CNTNAP5: variants seen among roughly 807,000 people sequenced by gnomAD.
CNTNAP5 encodes contactin-associated protein-like 5.
Under a neutral mutation model 150.2 loss-of-function variants are expected in CNTNAP5, and 72 were observed. The ratio of observed to expected loss-of-function variants is 0.48; its 90% confidence interval spans 0.40 to 0.58. The LOEUF is 0.58. Ranked by LOEUF, CNTNAP5 falls within the 20% of genes least tolerant of loss-of-function variation. CNTNAP5 has a pLI of 0.00. For synonymous variants in CNTNAP5, 672 were observed against 619.8 expected (o/e 1.08, Z -1.25); for missense variants, 1,636 against 1,626.2 (o/e 1.01, Z -0.10).
At chr2:124,684,694 T>G (rs1679152103) in intron 13 of CNTNAP5, among the ~76,000 whole-genome samples, 1 of 152,104 alleles carries the variant, frequency 6.6e-6, no homozygotes, top group South Asian at 2.1e-4. Context: ...GCGAGAAAAA[T>G]CTATGCAATA....
chr2:124,510,266 T>G (rs1209068534), intron 8 of CNTNAP5, among the ~76,000 whole-genome samples: 3 of 122,828 alleles, frequency 2.4e-5, no homozygotes, highest in Non-Finnish European at 4.7e-5. Context: ...TCTATATATC[T>G]ATATATCTAT....
intron 18 of CNTNAP5, among the ~76,000 whole-genome samples, chr2:124,795,750 C>T (rs149892025): frequency 9.2e-5 from 14 of 152,224 alleles, no homozygotes; most frequent in African/African-American, 3.4e-4. Flanking sequence ...CTCCTGACCT[C>T]GGGTGATCCA....
intron 1 of CNTNAP5, among the ~76,000 whole-genome samples, chr2:124,146,997 A>C (rs535086915): frequency 6.6e-6 from 1 of 152,196 alleles, no homozygotes; most frequent in Non-Finnish European, 1.5e-5. Flanking sequence ...GAAAATAAAC[A>C]ATAAACATAC....
At chr2:124,730,925 T>C (rs1680257905) in intron 13 of CNTNAP5, among the ~76,000 whole-genome samples, 1 of 152,150 alleles carries the variant, frequency 6.6e-6, no homozygotes, top group African/African-American at 2.4e-5. Context: ...CTATTTTTAT[T>C]ACTATCGTTA....
intron 13 of CNTNAP5, among the ~76,000 whole-genome samples, chr2:124,742,909 T>G (rs1680526850): frequency 6.6e-6 from 1 of 152,094 alleles, no homozygotes; most frequent in Non-Finnish European, 1.5e-5. Flanking sequence ...GTCCTTGCGT[T>G]GCATGGCTGC....
At chr2:124,752,582 A>C in intron 14 of CNTNAP5, among the ~76,000 whole-genome samples, 1 of 152,322 alleles carries the variant, frequency 6.6e-6, no homozygotes, top group South Asian at 2.1e-4. Flanking sequence ...CTGATTTCCT[A>C]GGGGTTTTTC....
chr2:124,317,548 A>G lies in CNTNAP5; in HGVS notation c.381+75155A>G, dbSNP rs916497877. On this transcript the variant is annotated intron_variant, in intron 3 of 23. Transcript: ENST00000682447. Reference sequence around the variant, plus strand: ...ACATTATCTTTCTCAAAGGGCATTTAGAACATCAAACCATGTATTCCAAAT... The same window carrying G: ...ACATTATCTTTCTCAAAGGGCATTTGGAACATCAAACCATGTATTCCAAAT... Among the ~76,000 whole-genome samples the G allele has an allele frequency of 4.6e-5, 7 of 152,190 alleles. No individual in the cohort carries two copies. The South Asian group carries it at 1.4e-3, about 31-fold the overall frequency.
intron 3 of CNTNAP5, among the ~76,000 whole-genome samples, chr2:124,363,688 T>A (rs964271748): frequency 2.0e-5 from 3 of 152,152 alleles, no homozygotes; most frequent in Non-Finnish European, 2.9e-5. Context: ...AAAGGATAGA[T>A]CTCATGTTAA....
chr2:124,896,754 G>T (rs1678315280), intron 21 of CNTNAP5, among the ~76,000 whole-genome samples: 1 of 151,318 alleles, frequency 6.6e-6, no homozygotes. Flanking sequence ...GGCCAGGCTG[G>T]TCTCGAACTC....
intron 4 of CNTNAP5, among the ~76,000 whole-genome samples, chr2:124,430,155 G>C (rs1307412180): frequency 6.6e-6 from 1 of 152,084 alleles, no homozygotes; most frequent in Non-Finnish European, 1.5e-5. Flanking sequence ...AAAAGGGCCA[G>C]GTGGGAACCG....
At chr2:124,062,402 A>G (rs1471902542) in intron 1 of CNTNAP5, among the ~76,000 whole-genome samples, 1 of 152,100 alleles carries the variant, frequency 6.6e-6, no homozygotes, top group Non-Finnish European at 1.5e-5. Context: ...CTACAATTGT[A>G]CTCAGTTGTT....
chr2:124,261,132 A>G (rs953302757), intron 3 of CNTNAP5, among the ~76,000 whole-genome samples: 4 of 152,200 alleles, frequency 2.6e-5, no homozygotes, highest in African/African-American at 4.8e-5. Context: ...AGCGATACAT[A>G]TCAATATCAA....
At chr2:124,693,716 G>A (rs924647262) in intron 13 of CNTNAP5, among the ~76,000 whole-genome samples, 1 of 151,764 alleles carries the variant, frequency 6.6e-6, no homozygotes, top group African/African-American at 2.4e-5. Context: ...AACATCGCAG[G>A]CATGGGCCAG....
Position 124,764,123 on chromosome 2 carries a change from G to A in CNTNAP5, c.2509G>A (p.Asp837Asn), listed in dbSNP as rs1681018142. The A allele has an allele frequency of 6.2e-7, 1 of 1,612,674 alleles. No individual in the cohort carries two copies. Among genetic ancestry groups the A allele is most frequent in the East Asian group, 2.2e-5 (1 of 44,840 alleles). ...TTTCCTAGAAAATCTTGGCATTAAA[G>A]ACTTCATTCGACTCGAAATAAGCTG... is the stretch of plus-strand genomic sequence containing the variant. Reference protein sequence around the residue: ...GVFLENLGIKDFIRLEISSPS... With the variant: ...GVFLENLGIKNFIRLEISSPS... Residue 837 changes from aspartate to asparagine, a missense_variant, in exon 16 of 24, where the codon GAC becomes AAC. Physicochemically the swap from Asp to Asn is conservative, Grantham distance 23. Coordinates refer to ENST00000682447, the MANE Select transcript of CNTNAP5 (RefSeq NM_001367498.1).
chr2:124,190,116 G>A (rs1685425507), intron 1 of CNTNAP5, among the ~76,000 whole-genome samples: 1 of 152,262 alleles, frequency 6.6e-6, no homozygotes, highest in Admixed American at 6.5e-5. Flanking sequence ...ACCTTCATAT[G>A]TTTTGCTAGA....
intron 1 of CNTNAP5, among the ~76,000 whole-genome samples, chr2:124,137,983 C>A (rs565324266): frequency 6.6e-6 from 1 of 152,034 alleles, no homozygotes; most frequent in African/African-American, 2.4e-5. Flanking sequence ...TGTGGGATTT[C>A]GTAGATTTCA....
chr2:124,328,510 G>A (rs934883705), intron 3 of CNTNAP5, among the ~76,000 whole-genome samples: 1 of 152,100 alleles, frequency 6.6e-6, no homozygotes, highest in Non-Finnish European at 1.5e-5. Flanking sequence ...CACACCCCAG[G>A]AGATGGATTA....
chr2:124,769,658 T>C (rs919537730), intron 16 of CNTNAP5, among the ~76,000 whole-genome samples: 1 of 152,216 alleles, frequency 6.6e-6, no homozygotes, highest in Admixed American at 6.5e-5. Flanking sequence ...TTCTCTCACA[T>C]TGTTTTCAGG....
chr2:124,695,074 A>G (rs1573552916), intron 13 of CNTNAP5, among the ~76,000 whole-genome samples: 2 of 152,004 alleles, frequency 1.3e-5, no homozygotes, highest in East Asian at 3.9e-4. Flanking sequence ...AATCTATATT[A>G]CTAGTATTTT....
Sources: allele counts gnomAD v4.1 joint callset (sites outside exome capture counted in the v4.1 genomes callset), GRCh38; gene constraint gnomAD v4.1.1; transcripts MANE v1.5; gene names NCBI Gene and HGNC (gene_info 2026-07-23, HGNC 2026-07-21).